SPATA7: variants seen among roughly 807,000 people sequenced by gnomAD.
The protein encoded by SPATA7 is spermatogenesis-associated protein 7.
SPATA7 carries 43 observed loss-of-function variants against 51.8 expected under a neutral mutation model. That is an observed-to-expected ratio of 0.83 (90% confidence interval 0.65 to 1.07). The LOEUF is 1.07. Among genes scored for constraint, SPATA7 ranks in the 50% least tolerant of loss-of-function variants. The pLI is 0.00. For missense variants in SPATA7, 683 were observed against 701.3 expected, an observed-to-expected ratio of 0.97 and a Z score of 0.30; for synonymous variants, 230 against 252.8, an observed-to-expected ratio of 0.91 and a Z score of 0.86.
intron 10 of SPATA7, 34 bp downstream of exon 10, chr14:88,433,246 G>A: frequency 7.2e-7 from 1 of 1,396,380 alleles, no homozygotes; most frequent in South Asian, 1.2e-5. Context: ...GTTAATTCAG[G>A]AGTACATTAA....
At chr14:88,465,045 A>G (rs2077347220) in intron 4 of SPATA7, among the ~76,000 whole-genome samples, 1 of 152,210 alleles carries the variant, frequency 6.6e-6, no homozygotes, top group African/African-American at 2.4e-5. Context: ...CTAAGGAAGC[A>G]CAGGCCCAGC....
In SPATA7 at chr14:88,385,752, G is replaced by C. The variant is rs2075550817; in HGVS notation, c.-67G>C. The stretch of plus-strand genomic sequence containing the variant: ...TTCCAGTCCTCCACTGCCGGGGCTG[G>C]GCCCGGCCGCGGGAAGGACCGAAGG... On this transcript the variant is annotated 5_prime_UTR_variant, in exon 1 of 12. Coordinates refer to ENST00000393545, the MANE Select transcript of SPATA7 (RefSeq NM_018418.5). 6.6e-7 allele frequency: 1 copy of C among 1,509,520 alleles called. No individual in the cohort carries two copies. Among genetic ancestry groups the C allele is most frequent in the Non-Finnish European group, 9.1e-7 (1 of 1,099,420 alleles). The allele number at this position is 1,509,520 out of a possible 1,614,324, so 93.5% of individuals were successfully genotyped here. A position where few individuals can be genotyped will look rare whatever the true frequency, so the allele number is the denominator to read the frequency against.
At chr14:88,410,450 T>C (rs2139938146) in intron 4 of SPATA7, among the ~76,000 whole-genome samples, 1 of 152,270 alleles carries the variant, frequency 6.6e-6, no homozygotes, top group Middle Eastern at 3.4e-3. Flanking sequence ...TGAGGAGTTG[T>C]GATCCTTTGG....
At chr14:88,414,535 T>G (rs2076423547) in intron 4 of SPATA7, 1 of 258,612 alleles carries the variant, frequency 3.9e-6, no homozygotes, top group Non-Finnish European at 7.7e-6. Context: ...TTTATATGGA[T>G]TTTGGAATCT....
chr14:88,440,762 C>G (rs1195636947), downstream of SPATA7, among the ~76,000 whole-genome samples: 1 of 151,978 alleles, frequency 6.6e-6, no homozygotes, highest in Non-Finnish European at 1.5e-5. Context: ...GAGCCTTTAT[C>G]ATAGAATACA....
exon 4 of SPATA7, chr14:88,455,252 C>G (rs935212852): frequency 1.4e-5 from 5 of 355,130 alleles, no homozygotes; most frequent in African/African-American, 1.1e-4. Context: ...ATGAAGCTGG[C>G]TAGTTTGGCA....
chr14:88,439,668 G>C (rs2077164327), downstream of SPATA7, among the ~76,000 whole-genome samples: 1 of 151,940 alleles, frequency 6.6e-6, no homozygotes, highest in Non-Finnish European at 1.5e-5. Flanking sequence ...TTTCCCAAAG[G>C]GTGGTACTTA....
At chr14:88,433,011 T>A in intron 9 of SPATA7, 124 bp from the exon 10 acceptor site, 2 of 704,594 alleles carry the variant, frequency 2.8e-6, no homozygotes, top group Admixed American at 5.0e-5. Flanking sequence ...CCCTTAGTAA[T>A]ATGAGATAGA....
chr14:88,415,635 A>G (rs982596281), intron 4 of SPATA7, among the ~76,000 whole-genome samples: 1 of 152,032 alleles, frequency 6.6e-6, no homozygotes, highest in African/African-American at 2.4e-5. Context: ...TGATCCTGTC[A>G]TGGTGGTGTT....
chr14:88,388,246 T>A (rs894018527), intron 1 of SPATA7, among the ~76,000 whole-genome samples: 2 of 152,178 alleles, frequency 1.3e-5, no homozygotes, highest in African/African-American at 4.8e-5. Flanking sequence ...GAGACACTTA[T>A]CAATGGTAGA....
rs1193621904 is a variant in SPATA7 at position 88,455,172 on chromosome 14, C to T, written c.*59C>T. The T allele has an allele frequency of 1.1e-5, 5 of 440,800 alleles. 1 individual carries two copies. Among genetic ancestry groups the T allele is most frequent in the Non-Finnish European group, 2.3e-5 (5 of 219,756 alleles). The allele number at this position is 440,800 out of a possible 1,614,324, so 27.3% of individuals were successfully genotyped here. ...AGAGGTGGCCACATGAAGAGCTCTG[C>T]AAGCCCACTGTGAAATTGATAGCAA... On this transcript the variant is annotated 3_prime_UTR_variant, in exon 4 of 4. Transcript: ENST00000554802.
At chr14:88,451,053 G>A (rs1183690152) in intron 3 of SPATA7, among the ~76,000 whole-genome samples, 1 of 152,078 alleles carries the variant, frequency 6.6e-6, no homozygotes, top group Non-Finnish European at 1.5e-5. Flanking sequence ...TTGTCTTTGA[G>A]CTGGGAAGTT....
chr14:88,438,491 G>A (rs2077154115), downstream of SPATA7: 2 of 1,226,852 alleles, frequency 1.6e-6, no homozygotes, highest in African/African-American at 3.0e-5. Context: ...TAAAATGTAT[G>A]TATAAGATTT....
Position 88,447,197 on chromosome 14 carries a change from G to A in SPATA7, c.178-7863G>A, listed in dbSNP as rs1391804076. ...ATTGGGTGCATATATATTTAGGATAGTTAGCTCTTCTTGTTGAATTGATCC... is the reference window on the plus strand; with the variant it reads ...ATTGGGTGCATATATATTTAGGATAATTAGCTCTTCTTGTTGAATTGATCC... On this transcript the variant is annotated intron_variant, in intron 3 of 3. Transcript: ENST00000554802. Among the ~76,000 whole-genome samples the A allele has an allele frequency of 2.9e-3, 443 of 150,250 alleles. 1 individual carries two copies. Among genetic ancestry groups the A allele is most frequent in the African/African-American group, 0.011 (430 of 40,378 alleles).
chr14:88,437,651 A>G, intron 11 of SPATA7, 54 bp downstream of exon 11: 1 of 1,478,626 alleles, frequency 6.8e-7, no homozygotes, highest in African/African-American at 1.4e-5. Context: ...AAATAATTGT[A>G]TGGTTTTTTT....
At chr14:88,439,804 G>C (rs2077165043), downstream of SPATA7, among the ~76,000 whole-genome samples, 1 of 152,102 alleles carries the variant, frequency 6.6e-6, no homozygotes, top group Admixed American at 6.6e-5. Context: ...GCACAATATG[G>C]TGGGACTGAG....
rs766722116 is a variant in SPATA7 at position 88,409,421 on chromosome 14, G to T, written c.239-7290G>T. Among the ~76,000 whole-genome samples, 85 of 152,132 alleles carry T rather than the reference G, an allele frequency of 5.6e-4. 1 individual carries two copies. Among genetic ancestry groups the T allele is most frequent in the Non-Finnish European group, 1.1e-3 (74 of 68,024 alleles). On this transcript the variant is annotated intron_variant, in intron 4 of 11. Coordinates refer to ENST00000393545, the MANE Select transcript of SPATA7 (RefSeq NM_018418.5). ...TTCTCTGGTGGTAGTTTGTATTTCT[G>T]TGGGATCAGTGGTGATATCCCCTTT...
chr14:88,444,803 G>A (rs1375768745), intron 3 of SPATA7, among the ~76,000 whole-genome samples: 4 of 152,060 alleles, frequency 2.6e-5, no homozygotes, highest in Non-Finnish European at 1.5e-5. Context: ...GTAGATATGC[G>A]GCGTTATTTC....
chr14:88,401,305 A>G (rs1167095780), intron 4 of SPATA7, among the ~76,000 whole-genome samples: 1 of 152,220 alleles, frequency 6.6e-6, no homozygotes, highest in Non-Finnish European at 1.5e-5. Flanking sequence ...GCATCCATTC[A>G]TGATAAACTC....
Sources: gnomAD v4.1 joint callset for allele counts (sites outside exome capture counted in the v4.1 genomes callset) on GRCh38, gnomAD v4.1.1 for gene constraint, MANE v1.5 for transcripts, NCBI Gene and HGNC (gene_info 2026-07-23, HGNC 2026-07-21) for gene names.